The following ADAM19 variants were observed in gnomAD, a reference collection of about 807,000 sequenced individuals.
ADAM19 encodes the protein disintegrin and metalloproteinase domain-containing protein 19.
Under a neutral mutation model 114.7 loss-of-function variants are expected in ADAM19, and 65 were observed. The ratio of observed to expected loss-of-function variants is 0.57; its 90% confidence interval spans 0.46 to 0.70. The LOEUF is 0.70. ADAM19 is among the 30% of genes least tolerant of loss of function. The pLI is 0.00. For missense variants in ADAM19, 1,063 were observed against 1,204.7 expected (o/e 0.88, Z 1.74); for synonymous variants, 466 against 460.5 (o/e 1.01, Z -0.15).
chr5:157,538,102 A>G (rs1756814796), intron 3 of ADAM19, 111 bp from the exon 4 acceptor site: 1 of 747,480 alleles, frequency 1.3e-6, no homozygotes, highest in Non-Finnish European at 2.2e-6. Context: ...GCATCTCCAT[A>G]CAAAAGAAAC....
chr5:157,552,677 C>CAAAA (rs778402112), intron 3 of ADAM19, among the ~76,000 whole-genome samples: 3 of 59,382 alleles, frequency 5.1e-5, no homozygotes, highest in South Asian at 6.0e-4. Context: ...GGACTCTACT[C>CAAAA]AAAAAAAAAA....
intron 2 of ADAM19, chr5:157,568,174 T>C (rs1757720786): frequency 6.6e-6 from 1 of 152,156 alleles, no homozygotes; most frequent in Non-Finnish European, 1.5e-5. Flanking sequence ...GGTTTCTCCA[T>C]GTTGGCCAGG....
chr5:157,567,023 C>T (rs11465254), intron 2 of ADAM19, among the ~76,000 whole-genome samples: 22,024 of 152,152 alleles, frequency 0.14, 1,667 homozygotes, highest in Middle Eastern at 0.25. Context: ...TAGAGTAGAG[C>T]TTCTAGCCCT....
chr5:157,553,915 T>G (rs1249467169), intron 3 of ADAM19, among the ~76,000 whole-genome samples: 1 of 152,192 alleles, frequency 6.6e-6, no homozygotes, highest in African/African-American at 2.4e-5. Context: ...AAAAACTCTA[T>G]AACTTGTTTA....
intron 21 of ADAM19, 134 bp from the exon 22 acceptor site, chr5:157,482,077 T>A (rs917385532): frequency 2.5e-5 from 18 of 713,902 alleles, no homozygotes; most frequent in Middle Eastern, 2.9e-4. Flanking sequence ...AGAAACTGTA[T>A]GTATAATGTG....
chr5:157,536,680 G>A (rs1016573408), intron 4 of ADAM19, among the ~76,000 whole-genome samples: 2 of 152,170 alleles, frequency 1.3e-5, no homozygotes, highest in African/African-American at 2.4e-5. Flanking sequence ...CCCATCCAGG[G>A]GTAATCTGGC....
intron 3 of ADAM19, among the ~76,000 whole-genome samples, chr5:157,558,948 A>C (rs1757434344): frequency 6.6e-6 from 1 of 152,202 alleles, no homozygotes; most frequent in African/African-American, 2.4e-5. Context: ...ATTAGCACTG[A>C]ATGTTAATTT....
Position 157,490,426 on chromosome 5 carries a change from C to T in ADAM19, c.2124G>A (p.Leu708=), listed in dbSNP as rs1161623664. 4.3e-6 allele frequency: 7 copies of T among 1,613,860 alleles called. No homozygotes were observed. The highest frequency in any genetic ancestry group is 5.9e-6 in the Non-Finnish European group (7 of 1,180,012). Residue 708 remains leucine (L), a synonymous_variant, in exon 19 of 23, where the codon TTG becomes TTA. Coordinates refer to ENST00000257527, the MANE Select transcript of ADAM19 (RefSeq NM_033274.5). ...GGACCGCCAGCACCAAGATGGCCAC[C>T]AACACTCCAGCTACCACAGGACCCA... is the stretch of plus-strand genomic sequence containing the variant. ...ESVGPVVAGV[L]VAILVLAVLM...
chr5:157,538,782 C>T (rs910681074), intron 3 of ADAM19, among the ~76,000 whole-genome samples: 2 of 152,186 alleles, frequency 1.3e-5, no homozygotes, highest in Non-Finnish European at 2.9e-5. Context: ...TTAGAATTTT[C>T]TCTAAAAATT....
At chr5:157,516,264 G>C (rs1756086883) in intron 7 of ADAM19, among the ~76,000 whole-genome samples, 1 of 152,172 alleles carries the variant, frequency 6.6e-6, no homozygotes, top group Non-Finnish European at 1.5e-5. Flanking sequence ...GTCCAGGACT[G>C]AGAAATGAGC....
intron 5 of ADAM19, among the ~76,000 whole-genome samples, chr5:157,530,126 G>C (rs1476188077): frequency 6.6e-6 from 1 of 152,124 alleles, no homozygotes; most frequent in Non-Finnish European, 1.5e-5. Flanking sequence ...CCCCTTCCAG[G>C]ATTAGCCAAT....
chr5:157,567,514 C>G (rs75278694), intron 2 of ADAM19, among the ~76,000 whole-genome samples: 1,612 of 152,278 alleles, frequency 0.011, 24 homozygotes, highest in African/African-American at 0.037. Flanking sequence ...AAAGACCACA[C>G]AGACCGGGCA....
chr5:157,522,575 T>C (rs1266765024), intron 5 of ADAM19, among the ~76,000 whole-genome samples: 3 of 152,106 alleles, frequency 2.0e-5, no homozygotes, highest in Non-Finnish European at 4.4e-5. Flanking sequence ...TTCCTGAGCT[T>C]AGGAGTTGGA....
In ADAM19 at chr5:157,477,594, C is replaced by T; in HGVS notation, c.*3355G>A. The T allele has an allele frequency of 1.6e-6, 2 of 1,264,152 alleles. No homozygotes were observed. Among genetic ancestry groups the T allele is most frequent in the Non-Finnish European group, 2.1e-6 (2 of 974,916 alleles). 78.3% of individuals were successfully genotyped at this position (1,264,152 alleles called of 1,614,324 possible). A position where few individuals can be genotyped will look rare whatever the true frequency, so the allele number is the denominator to read the frequency against. On this transcript the variant is annotated 3_prime_UTR_variant, in exon 23 of 23. Coordinates refer to ENST00000257527, the MANE Select transcript of ADAM19 (RefSeq NM_033274.5). ...TTCTACAGAACCTCTCCTTCGCAGG[C>T]TCCCCTGGGGAAGGGGACCTTTCCA...
At position 157,478,754 on chromosome 5, in the gene ADAM19, G is replaced by T; in HGVS notation, c.*2195C>A. ...CAACTTTATGGGATGGAGGTGATAT[G>T]AAAATAATAAAACAAAACAAAACAA... On this transcript the variant is annotated 3_prime_UTR_variant, in exon 23 of 23. Transcript: ENST00000257527. 1.0e-6 allele frequency: 1 copy of T among 985,804 alleles called. No individual in the cohort carries two copies. The highest frequency in any genetic ancestry group is 1.2e-6 in the Non-Finnish European group (1 of 829,930). 61.1% of individuals were successfully genotyped at this position (985,804 alleles called of 1,614,324 possible).
chr5:157,509,514 A>G, intron 8 of ADAM19, 47 bp from the exon 9 acceptor site: 1 of 1,374,752 alleles, frequency 7.3e-7, no homozygotes, highest in Non-Finnish European at 9.7e-7. Flanking sequence ...ACCACCTGGG[A>G]TTTAAAAGCC....
In ADAM19 at chr5:157,480,596, C is replaced by G. The variant is rs1240184213; in HGVS notation, c.*353G>C. The G allele has an allele frequency of 1.8e-6, 2 of 1,097,890 alleles. No homozygotes were observed. The highest frequency in any genetic ancestry group is 1.4e-4 in the East Asian group (2 of 14,630). 68.0% of individuals were successfully genotyped at this position (1,097,890 alleles called of 1,614,324 possible). A position where few individuals can be genotyped will look rare whatever the true frequency, so the allele number is the denominator to read the frequency against. On this transcript the variant is annotated 3_prime_UTR_variant, in exon 23 of 23. Transcript: ENST00000257527. ...GGAGTGAATGGATGGCTTCTGCAAG[C>G]GAAGTGCTGGCCTGAGGGGCTTGCT...
chr5:157,556,308 TC>T (rs1160343081), intron 3 of ADAM19, among the ~76,000 whole-genome samples: 1 of 130,476 alleles, frequency 7.7e-6, no homozygotes, highest in Admixed American at 9.5e-5. Flanking sequence ...AACCTCTGCC[TC>T]CCGGGTTCAA....
intron 21 of ADAM19, among the ~76,000 whole-genome samples, chr5:157,484,177 T>C (rs771555185): frequency 6.6e-6 from 1 of 152,196 alleles, no homozygotes; most frequent in Non-Finnish European, 1.5e-5. Flanking sequence ...TGACATTCCC[T>C]GACCTTTTTA....
Sources: allele counts gnomAD v4.1 joint callset (sites outside exome capture counted in the v4.1 genomes callset), GRCh38; gene constraint gnomAD v4.1.1; transcripts MANE v1.5; gene names NCBI Gene and HGNC (gene_info 2026-07-23, HGNC 2026-07-21).